CDIN1: variants seen among roughly 807,000 people sequenced by gnomAD.
CDIN1 encodes CDAN1 interacting nuclease 1.
A neutral mutation model predicts 45.3 loss-of-function variants in CDIN1; 33 were observed. That is an observed-to-expected ratio of 0.73 (90% CI 0.55 to 0.97). The LOEUF (loss-of-function observed/expected upper bound fraction) is 0.97, where lower values mean the gene tolerates loss of function less well. Among genes scored for constraint, CDIN1 ranks in the 50% least tolerant of loss-of-function variants. The pLI, the probability that CDIN1 is intolerant of heterozygous loss-of-function variation, is 0.00. For synonymous variants in CDIN1, 118 were observed against 124.4 expected, an observed-to-expected ratio of 0.95 and a Z score of 0.34; for missense variants, 303 against 339.4, an observed-to-expected ratio of 0.89 and a Z score of 0.84.
intron 10 of CDIN1, among the ~76,000 whole-genome samples, chr15:36,729,300 G>T (rs559049014): frequency 6.6e-6 from 1 of 152,112 alleles, no homozygotes; most frequent in South Asian, 2.1e-4. Flanking sequence ...GGAAAAAAAT[G>T]ATATTTTATT....
chr15:36,602,398 A>T (rs958902714), intron 1 of CDIN1, among the ~76,000 whole-genome samples: 1 of 152,330 alleles, frequency 6.6e-6, no homozygotes, highest in East Asian at 1.9e-4. Context: ...TTTGGCAAGT[A>T]TTTTTGGAGT....
chr15:36,664,843 G>T (rs185300938), intron 5 of CDIN1, among the ~76,000 whole-genome samples: 2 of 152,352 alleles, frequency 1.3e-5, no homozygotes, highest in Admixed American at 1.3e-4. Context: ...ACCGCGCCCA[G>T]CCTGGTTACA....
intron 1 of CDIN1, among the ~76,000 whole-genome samples, chr15:36,601,955 T>G (rs762634140): frequency 6.6e-6 from 1 of 152,244 alleles, no homozygotes; most frequent in Non-Finnish European, 1.5e-5. Context: ...GTTTTATCGA[T>G]AGCAGCTCTC....
At chr15:36,790,756 C>T (rs992289657) in intron 10 of CDIN1, among the ~76,000 whole-genome samples, 1 of 152,070 alleles carries the variant, frequency 6.6e-6, no homozygotes, top group African/African-American at 2.4e-5. Flanking sequence ...CAGCAAATTC[C>T]CTGGGAGAAA....
rs551516288 is a variant in CDIN1, at chr15:36,664,758, G to A, written c.346+6853G>A. ...AGACGGGGTTTCACCATGTTAGCCAGGATGGTCTCGATCTCCTGACCTCGT... is the reference window on the plus strand; with the variant it reads ...AGACGGGGTTTCACCATGTTAGCCAAGATGGTCTCGATCTCCTGACCTCGT... On this transcript the variant is annotated intron_variant, in intron 5 of 10. Transcript: ENST00000566621. 5.7e-3 allele frequency among the ~76,000 whole-genome samples: 862 copies of A among 152,290 alleles called. 3 individuals carry two copies. Among genetic ancestry groups the A allele is most frequent in the Middle Eastern group, 0.031 (9 of 294 alleles).
intron 10 of CDIN1, among the ~76,000 whole-genome samples, chr15:36,757,652 T>C (rs2140988329): frequency 6.6e-6 from 1 of 152,244 alleles, no homozygotes; most frequent in South Asian, 2.1e-4. Context: ...CCATGCTGTG[T>C]ACACTACCCG....
chr15:36,788,102 ATATATTTTTTTTTTT>A (rs1461327455), intron 10 of CDIN1, among the ~76,000 whole-genome samples: 2 of 34,248 alleles, frequency 5.8e-5, no homozygotes, highest in African/African-American at 2.2e-4. Flanking sequence ...ATATATATAT[ATATATTTTTTTTTTT>A]TTTTTTTTTT....
chr15:36,771,390 A>C (rs1321613613), intron 10 of CDIN1, among the ~76,000 whole-genome samples: 1 of 152,096 alleles, frequency 6.6e-6, no homozygotes, highest in Non-Finnish European at 1.5e-5. Flanking sequence ...AAGTAAAGTA[A>C]TAATAATAAT....
chr15:36,681,383 A>G (rs1430961139), intron 5 of CDIN1, among the ~76,000 whole-genome samples: 2 of 152,170 alleles, frequency 1.3e-5, no homozygotes, highest in Non-Finnish European at 2.9e-5. Context: ...ATATGACACA[A>G]GGATGAAGAG....
intron 1 of CDIN1, among the ~76,000 whole-genome samples, chr15:36,634,752 C>T (rs2039824411): frequency 1.3e-5 from 2 of 152,210 alleles, no homozygotes; most frequent in South Asian, 4.1e-4. Context: ...CTGCTAAGAC[C>T]TCCTACAGTA....
At chr15:36,616,585 A>G (rs932284058) in intron 1 of CDIN1, among the ~76,000 whole-genome samples, 6 of 152,120 alleles carry the variant, frequency 3.9e-5, no homozygotes, top group Non-Finnish European at 7.3e-5. Flanking sequence ...GCATAGAGTA[A>G]TATCAGCCTT....
chr15:36,723,584 G>A (rs1428538808), intron 10 of CDIN1, among the ~76,000 whole-genome samples: 1 of 151,872 alleles, frequency 6.6e-6, no homozygotes, highest in East Asian at 1.9e-4. Context: ...TTTTATTTTA[G>A]AGACAAGGCT....
intron 1 of CDIN1, among the ~76,000 whole-genome samples, chr15:36,612,633 C>A (rs1289573909): frequency 6.6e-6 from 1 of 152,088 alleles, no homozygotes; most frequent in Non-Finnish European, 1.5e-5. Flanking sequence ...TTTTAGTAAG[C>A]TTGGCATGTT....
intron 5 of CDIN1, among the ~76,000 whole-genome samples, chr15:36,682,393 C>T (rs547628505): frequency 1.1e-3 from 160 of 152,028 alleles, no homozygotes; most frequent in African/African-American, 3.4e-3. Flanking sequence ...TGCATAAGGC[C>T]CACCCACATT....
chr15:36,678,905 A>C (rs1207346486), intron 5 of CDIN1, among the ~76,000 whole-genome samples: 2 of 152,222 alleles, frequency 1.3e-5, no homozygotes, highest in Non-Finnish European at 2.9e-5. Context: ...CCTCATGCTA[A>C]GGAAAGCAAG....
At chr15:36,746,457 G>C (rs559649448) in intron 10 of CDIN1, among the ~76,000 whole-genome samples, 17 of 152,234 alleles carry the variant, frequency 1.1e-4, no homozygotes, top group Admixed American at 9.2e-4. Flanking sequence ...TATGATAGGA[G>C]TAGTTACATT....
intron 5 of CDIN1, among the ~76,000 whole-genome samples, chr15:36,686,251 T>C (rs2042039421): frequency 6.6e-6 from 1 of 151,448 alleles, no homozygotes; most frequent in Admixed American, 6.6e-5. Flanking sequence ...TGAGTTCGTG[T>C]CCTTTGTAGG....
chr15:36,726,793 A>C (rs572164763), intron 10 of CDIN1, among the ~76,000 whole-genome samples: 4 of 152,318 alleles, frequency 2.6e-5, no homozygotes, highest in African/African-American at 9.6e-5. Flanking sequence ...TCCTGAGTAC[A>C]GTATAAACTG....
intron 1 of CDIN1, among the ~76,000 whole-genome samples, chr15:36,636,379 C>G (rs1428940703): frequency 6.6e-6 from 1 of 152,062 alleles, no homozygotes; most frequent in Non-Finnish European, 1.5e-5. Flanking sequence ...GGTGAAACCC[C>G]ATCTCTACTA....
Sources: allele counts gnomAD v4.1 joint callset (sites outside exome capture counted in the v4.1 genomes callset), GRCh38; gene constraint gnomAD v4.1.1; transcripts MANE v1.5; gene names NCBI Gene and HGNC (gene_info 2026-07-23, HGNC 2026-07-21).